Variants in STPG2 observed in about 807,000 individuals in gnomAD.
The protein encoded by STPG2 is sperm tail PG-rich repeat containing 2.
Under a neutral mutation model 54.2 loss-of-function variants are expected in STPG2, and 56 were observed. That is an observed-to-expected ratio of 1.03 (90% CI 0.83 to 1.29). The LOEUF (loss-of-function observed/expected upper bound fraction) is 1.29. Ranked by LOEUF, STPG2 falls within the 50% of genes most tolerant of loss-of-function variation. The probability of loss-of-function intolerance (pLI) is 0.00; values close to 1 mark genes in which losing one functional copy is unlikely to be tolerated. For synonymous variants in STPG2, 200 were observed against 181.8 expected, an observed-to-expected ratio of 1.10 and a Z score of -0.81; for missense variants, 596 against 544.9, an observed-to-expected ratio of 1.09 and a Z score of -0.93.
intron 8 of STPG2, among the ~76,000 whole-genome samples, chr4:97,903,193 A>G (rs1188948990): frequency 1.3e-5 from 2 of 152,200 alleles, no homozygotes; most frequent in Non-Finnish European, 2.9e-5. Flanking sequence ...AAATTTGCCA[A>G]GAGAATAGAT....
chr4:97,854,929 T>C lies in STPG2; in HGVS notation c.1045-13997A>G, dbSNP rs532298812. Among the ~76,000 whole-genome samples, 375 of 152,282 alleles carry C rather than the reference T, an allele frequency of 2.5e-3. 1 individual carries two copies. Among genetic ancestry groups the C allele is most frequent in the Non-Finnish European group, 4.1e-3 (280 of 68,016 alleles). On this transcript the variant is annotated intron_variant, in intron 8 of 10. Transcript: ENST00000295268. ...CGTCTTGCCTCCAACAAGGCCCCAG[T>C]GTGTGTTGTTCTCCACCATGTGTCC...
intron 4 of STPG2, among the ~76,000 whole-genome samples, chr4:97,529,309 G>A (rs1300543009): frequency 1.3e-5 from 2 of 152,168 alleles, no homozygotes; most frequent in African/African-American, 4.8e-5. Flanking sequence ...TGTTGAACCA[G>A]CCTTGCATCC....
At chr4:97,589,585 C>A (rs903749732) in intron 10 of STPG2, among the ~76,000 whole-genome samples, 6 of 151,998 alleles carry the variant, frequency 3.9e-5, no homozygotes, top group Non-Finnish European at 8.8e-5. Context: ...GGCTAAATAG[C>A]AAATATTTTA....
At chr4:97,585,763 G>A (rs1345142491) in intron 10 of STPG2, among the ~76,000 whole-genome samples, 6 of 151,860 alleles carry the variant, frequency 4.0e-5, no homozygotes, top group Admixed American at 1.3e-4. Context: ...AAACCAAAAA[G>A]CTTAATGTAA....
rs142247461 is a variant in STPG2, at chr4:98,117,398, T to C, written c.388-8093A>G. 9.6e-4 allele frequency among the ~76,000 whole-genome samples: 146 copies of C among 152,172 alleles called. No individual in the cohort carries two copies. In the East Asian group the frequency reaches 0.026, roughly 27 times the overall value. On this transcript the variant is annotated intron_variant, in intron 3 of 10. Coordinates refer to ENST00000295268, the MANE Select transcript of STPG2 (RefSeq NM_174952.3). ...AGCTTGACTGTGATGTGTCTAGGTG[T>C]GCATCTCTTTGCATTAATCTTACTT...
chr4:97,604,584 C>T lies in STPG2; in HGVS notation c.1321-45467G>A, dbSNP rs149450081. On this transcript the variant is annotated intron_variant, in intron 10 of 10. Transcript: ENST00000295268. ...CTTAGAGTTCTCCTCTACCCTTCTG[C>T]TACCCATAAGAAAAGAGCCCAATCT... Among the ~76,000 whole-genome samples, 1,218 of 151,788 alleles carry T rather than the reference C, an allele frequency of 8.0e-3. 19 individuals are homozygous for T. Among genetic ancestry groups the T allele is most frequent in the Admixed American group, 8.9e-3 (136 of 15,202 alleles).
chr4:97,676,295 A>G (rs549373189), intron 10 of STPG2, among the ~76,000 whole-genome samples: 1 of 151,628 alleles, frequency 6.6e-6, no homozygotes, highest in African/African-American at 2.4e-5. Flanking sequence ...TAAAAATGTG[A>G]AAATGTGTGG....
intron 9 of STPG2, among the ~76,000 whole-genome samples, chr4:97,795,260 A>C (rs1483178608): frequency 6.6e-6 from 1 of 152,058 alleles, no homozygotes; most frequent in Non-Finnish European, 1.5e-5. Flanking sequence ...GGTTTGTTAC[A>C]TATGTATACA....
chr4:97,514,710 T>C (rs953781518), intron 4 of STPG2, among the ~76,000 whole-genome samples: 1 of 152,110 alleles, frequency 6.6e-6, no homozygotes, highest in African/African-American at 2.4e-5. Context: ...ATCACAGTTC[T>C]TTGTGCCAGT....
At chr4:97,731,723 C>G (rs1724802017) in intron 9 of STPG2, among the ~76,000 whole-genome samples, 1 of 152,166 alleles carries the variant, frequency 6.6e-6, no homozygotes. Flanking sequence ...CGTCCAGCTC[C>G]CACACCAGTC....
At chr4:97,811,866 T>C (rs1399819250) in intron 9 of STPG2, among the ~76,000 whole-genome samples, 1 of 152,114 alleles carries the variant, frequency 6.6e-6, no homozygotes, top group Non-Finnish European at 1.5e-5. Flanking sequence ...ATATTCAAAA[T>C]TACTTTAAAA....
rs1735395861 is a variant in STPG2 at position 98,000,985 on chromosome 4, C to T, written c.613-19667G>A. ...TAGGTTTTACTGTATATTAGTATTG[C>T]TTTGGAGTTGATGGTTGTCTTATGC... On this transcript the variant is annotated intron_variant, in intron 5 of 10. Coordinates refer to ENST00000295268, the MANE Select transcript of STPG2 (RefSeq NM_174952.3). Among the ~76,000 whole-genome samples, 2 of 152,070 alleles carry T rather than the reference C, an allele frequency of 1.3e-5. 1 individual carries two copies. The highest frequency in any genetic ancestry group is 4.1e-4 in the South Asian group (2 of 4,828).
chr4:98,035,746 C>A (rs542434202), intron 5 of STPG2, among the ~76,000 whole-genome samples: 10 of 152,310 alleles, frequency 6.6e-5, no homozygotes, highest in Admixed American at 5.2e-4. Context: ...CACATATACA[C>A]CATGGAATAC....
chr4:97,712,850 A>G (rs778547901), intron 9 of STPG2, 36 bp from the exon 10 acceptor site: 58 of 1,415,712 alleles, frequency 4.1e-5, no homozygotes, highest in Non-Finnish European at 5.4e-5. Flanking sequence ...ATGATAAAGT[A>G]TATTTTAAAA....
intron 5 of STPG2, among the ~76,000 whole-genome samples, chr4:98,047,990 A>G (rs1259933958): frequency 6.6e-6 from 1 of 152,226 alleles, no homozygotes; most frequent in African/African-American, 2.4e-5. Context: ...GACCGGAGAC[A>G]GTATTTCTCA....
intron 10 of STPG2, among the ~76,000 whole-genome samples, chr4:97,641,016 A>T (rs73834105): frequency 0.017 from 2,647 of 151,732 alleles, 70 homozygotes; most frequent in African/African-American, 0.06. Flanking sequence ...TGTCTATGTG[A>T]AACCTACTTT....
chr4:97,764,955 C>T (rs1054344470), intron 9 of STPG2, among the ~76,000 whole-genome samples: 3 of 152,050 alleles, frequency 2.0e-5, no homozygotes, highest in Non-Finnish European at 2.9e-5. Context: ...AGGGCCCCAT[C>T]ATAGTTTTGA....
chr4:98,069,981 T>C (rs1737951345), intron 5 of STPG2, among the ~76,000 whole-genome samples: 1 of 152,064 alleles, frequency 6.6e-6, no homozygotes. Context: ...GTACCATTTC[T>C]ACTGAAACTA....
chr4:97,713,800 T>C (rs1341131880), intron 9 of STPG2, among the ~76,000 whole-genome samples: 2 of 152,158 alleles, frequency 1.3e-5, no homozygotes, highest in African/African-American at 2.4e-5. Context: ...GAATGGAACC[T>C]AGCTAGTATG....
Sources: allele counts gnomAD v4.1 joint callset (sites outside exome capture counted in the v4.1 genomes callset), GRCh38; gene constraint gnomAD v4.1.1; transcripts MANE v1.5; gene names NCBI Gene and HGNC (gene_info 2026-07-23, HGNC 2026-07-21).